ST6GALNAC3: variants seen among roughly 807,000 people sequenced by gnomAD.
The protein encoded by ST6GALNAC3 is alpha-N-acetylgalactosaminide alpha-2,6-sialyltransferase 3.
Under a neutral mutation model 32.7 loss-of-function variants are expected in ST6GALNAC3, and 25 were observed. The observed-to-expected ratio is 0.76, with a 90% confidence interval of 0.56 to 1.07. The LOEUF (loss-of-function observed/expected upper bound fraction) is 1.07. Among genes scored for constraint, ST6GALNAC3 ranks in the 50% least tolerant of loss-of-function variants. The probability of loss-of-function intolerance (pLI) is 0.00; values close to 1 mark genes in which losing one functional copy is unlikely to be tolerated. For synonymous variants in ST6GALNAC3, 129 were observed against 133.1 expected (o/e 0.97, Z 0.21); for missense variants, 355 against 382.4 (o/e 0.93, Z 0.60).
intron 2 of ST6GALNAC3, among the ~76,000 whole-genome samples, chr1:76,334,004 T>C (rs1291976779): frequency 1.3e-5 from 2 of 152,184 alleles, no homozygotes; most frequent in Non-Finnish European, 2.9e-5. Flanking sequence ...AATCTGAAGG[T>C]GTAACCATTA....
At chr1:76,320,961 T>TAC (rs138816470) in intron 2 of ST6GALNAC3, among the ~76,000 whole-genome samples, 6,734 of 149,624 alleles carry the variant, frequency 0.045, 154 homozygotes, top group African/African-American at 0.069. Flanking sequence ...ATGGTATATA[T>TAC]ATACACACAC....
intron 1 of ST6GALNAC3, among the ~76,000 whole-genome samples, chr1:76,125,720 C>T (rs1649198470): frequency 6.6e-6 from 1 of 152,202 alleles, no homozygotes; most frequent in Non-Finnish European, 1.5e-5. Flanking sequence ...TTGTTGTTGA[C>T]CGCTTCTGGC....
At chr1:76,580,933 C>T (rs1443143565) in intron 3 of ST6GALNAC3, among the ~76,000 whole-genome samples, 2 of 151,882 alleles carry the variant, frequency 1.3e-5, no homozygotes, top group Non-Finnish European at 2.9e-5. Flanking sequence ...AGCACCAAAG[C>T]AAGACACATG....
At chr1:76,506,652 G>A (rs966787331) in intron 3 of ST6GALNAC3, among the ~76,000 whole-genome samples, 5 of 152,176 alleles carry the variant, frequency 3.3e-5, no homozygotes, top group African/African-American at 7.2e-5. Flanking sequence ...GGTAGACTGC[G>A]AAGTTTTATT....
intron 2 of ST6GALNAC3, among the ~76,000 whole-genome samples, chr1:76,333,712 A>C (rs1347798931): frequency 6.6e-6 from 1 of 152,170 alleles, no homozygotes; most frequent in Non-Finnish European, 1.5e-5. Flanking sequence ...AAAATTAATG[A>C]GACTTTTAAA....
intron 1 of ST6GALNAC3, among the ~76,000 whole-genome samples, chr1:76,137,405 C>T (rs1017736609): frequency 2.0e-5 from 3 of 152,170 alleles, no homozygotes; most frequent in Admixed American, 6.5e-5. Context: ...AGACATTCTG[C>T]GCAGTCAGTG....
chr1:76,463,763 T>A (rs1658442180), intron 3 of ST6GALNAC3, among the ~76,000 whole-genome samples: 1 of 152,124 alleles, frequency 6.6e-6, no homozygotes, highest in Non-Finnish European at 1.5e-5. Flanking sequence ...CAACTCATTC[T>A]GGGCCTTTCC....
intron 2 of ST6GALNAC3, among the ~76,000 whole-genome samples, chr1:76,368,887 T>C (rs1650594919): frequency 6.6e-6 from 1 of 152,272 alleles, no homozygotes; most frequent in African/African-American, 2.4e-5. Context: ...ATTTGGGCAG[T>C]CTGTGTCTAC....
intron 3 of ST6GALNAC3, among the ~76,000 whole-genome samples, chr1:76,529,064 C>G (rs1000519257): frequency 1.3e-5 from 2 of 151,876 alleles, no homozygotes; most frequent in African/African-American, 4.8e-5. Flanking sequence ...CAGGCATCAC[C>G]TGTTGAAGAT....
At chr1:76,407,666 CAA>C (rs901729071) in intron 2 of ST6GALNAC3, among the ~76,000 whole-genome samples, 7 of 148,874 alleles carry the variant, frequency 4.7e-5, no homozygotes, top group African/African-American at 1.7e-4. Context: ...ATGAAGAAGA[CAA>C]GTTTGTTTTT....
At chr1:76,210,282 T>A (rs1370588310) in intron 1 of ST6GALNAC3, among the ~76,000 whole-genome samples, 1 of 152,210 alleles carries the variant, frequency 6.6e-6, no homozygotes, top group Non-Finnish European at 1.5e-5. Flanking sequence ...ATATTGCAGT[T>A]GTGTCTGAGA....
At chr1:76,104,647 C>CATTTAATA (rs901340073) in intron 1 of ST6GALNAC3, among the ~76,000 whole-genome samples, 1 of 147,126 alleles carries the variant, frequency 6.8e-6, no homozygotes, top group African/African-American at 2.5e-5. Context: ...TGTTTTAAAG[C>CATTTAATA]ATTTAATAAA....
At chr1:76,404,706 C>A (rs1387352435) in intron 2 of ST6GALNAC3, among the ~76,000 whole-genome samples, 2 of 152,024 alleles carry the variant, frequency 1.3e-5, no homozygotes, top group Non-Finnish European at 2.9e-5. Flanking sequence ...CTGCTTTGTT[C>A]AAATTCATTC....
intron 3 of ST6GALNAC3, among the ~76,000 whole-genome samples, chr1:76,427,380 C>A (rs903439999): frequency 6.6e-6 from 1 of 151,976 alleles, no homozygotes; most frequent in East Asian, 1.9e-4. Context: ...GAAACATAGC[C>A]TCTCAGCCCT....
At chr1:76,075,155 C>G (rs901576551) in intron 1 of ST6GALNAC3, among the ~76,000 whole-genome samples, 11 of 152,272 alleles carry the variant, frequency 7.2e-5, no homozygotes, top group African/African-American at 2.4e-4. Flanking sequence ...GGGCTGTGTG[C>G]CGAATAATGG....
chr1:76,135,078 G>T (rs952228419), intron 1 of ST6GALNAC3, among the ~76,000 whole-genome samples: 3 of 151,898 alleles, frequency 2.0e-5, no homozygotes, highest in Non-Finnish European at 4.4e-5. Flanking sequence ...GGAGGCAAAG[G>T]TTGCAGTGAG....
chr1:76,393,361 A>G (rs1033872393), intron 2 of ST6GALNAC3, among the ~76,000 whole-genome samples: 1 of 152,170 alleles, frequency 6.6e-6, no homozygotes, highest in African/African-American at 2.4e-5. Flanking sequence ...TCTGTGGGGC[A>G]GTGGGAGAAC....
chr1:76,379,255 C>T (rs974516441), intron 2 of ST6GALNAC3, among the ~76,000 whole-genome samples: 1 of 152,108 alleles, frequency 6.6e-6, no homozygotes, highest in African/African-American at 2.4e-5. Context: ...TTTTGTTTAA[C>T]AATTGATTTC....
chr1:76,554,420 C>A (rs1418584118), intron 3 of ST6GALNAC3, among the ~76,000 whole-genome samples: 2 of 152,046 alleles, frequency 1.3e-5, no homozygotes, highest in Non-Finnish European at 2.9e-5. Context: ...TCAAAAAAAA[C>A]CCCTCAACCT....
Sources: allele counts gnomAD v4.1 joint callset (sites outside exome capture counted in the v4.1 genomes callset), GRCh38; gene constraint gnomAD v4.1.1; transcripts MANE v1.5; gene names NCBI Gene and HGNC (gene_info 2026-07-23, HGNC 2026-07-21).